Variants in NEDD4L observed in about 807,000 individuals in gnomAD.
NEDD4L encodes E3 ubiquitin-protein ligase NEDD4-like.
Under a neutral mutation model 148.9 loss-of-function variants are expected in NEDD4L, and 54 were observed. That is an observed-to-expected ratio of 0.36 (90% CI 0.29 to 0.45). The LOEUF (loss-of-function observed/expected upper bound fraction) is 0.45, where lower values mean the gene tolerates loss of function less well. Ranked by LOEUF, NEDD4L falls within the 20% of genes least tolerant of loss-of-function variation. The pLI is 1.00. For synonymous variants in NEDD4L, 433 were observed against 440.7 expected (o/e 0.98, Z 0.22); for missense variants, 856 against 1,233.8 (o/e 0.69, Z 4.59).
At chr18:58,361,386 A>G (rs568010480) in intron 19 of NEDD4L, among the ~76,000 whole-genome samples, 26 of 152,326 alleles carry the variant, frequency 1.7e-4, no homozygotes, top group African/African-American at 5.8e-4. Context: ...TTAGTAAGTG[A>G]TGTTCACACA....
chr18:58,336,313 C>G (rs532013342), intron 13 of NEDD4L, among the ~76,000 whole-genome samples: 1 of 152,182 alleles, frequency 6.6e-6, no homozygotes, highest in Non-Finnish European at 1.5e-5. Flanking sequence ...CACGGTGGCT[C>G]ACGCCTGTAA....
chr18:58,155,592 C>A (rs928999948), intron 1 of NEDD4L, among the ~76,000 whole-genome samples: 1 of 152,018 alleles, frequency 6.6e-6, no homozygotes, highest in African/African-American at 2.4e-5. Context: ...ACATTTGCAC[C>A]CTTTAAGGAA....
intron 30 of NEDD4L, among the ~76,000 whole-genome samples, chr18:58,395,623 G>T (rs1224215521): frequency 2.0e-5 from 3 of 152,112 alleles, no homozygotes; most frequent in African/African-American, 2.4e-5. Context: ...GGACAGCCTG[G>T]GTTCTGTTTG....
intron 4 of NEDD4L, among the ~76,000 whole-genome samples, chr18:58,249,768 C>T (rs185851523): frequency 3.3e-5 from 5 of 152,336 alleles, no homozygotes; most frequent in East Asian, 1.9e-4. Flanking sequence ...TCCTCTCAAT[C>T]GCAATAGTAT....
At chr18:58,353,672 C>T (rs1350461979) in intron 18 of NEDD4L, among the ~76,000 whole-genome samples, 1 of 152,240 alleles carries the variant, frequency 6.6e-6, no homozygotes, top group East Asian at 1.9e-4. Flanking sequence ...CAGGCTGACA[C>T]ATACATTCCA....
chr18:58,195,767 A>G (rs1274903834), intron 2 of NEDD4L: 1 of 1,259,534 alleles, frequency 7.9e-7, no homozygotes, highest in Non-Finnish European at 1.1e-6. Context: ...TCCCTTTATT[A>G]CTCGATTAGT....
chr18:58,265,204 C>T (rs2050050433), intron 5 of NEDD4L, among the ~76,000 whole-genome samples: 1 of 151,954 alleles, frequency 6.6e-6, no homozygotes, highest in Non-Finnish European at 1.5e-5. Context: ...GATGTGCCTC[C>T]CAGGGATGTG....
intron 18 of NEDD4L, among the ~76,000 whole-genome samples, chr18:58,354,155 G>T (rs1049859738): frequency 2.0e-5 from 3 of 152,114 alleles, no homozygotes; most frequent in African/African-American, 4.8e-5. Flanking sequence ...GTTAAAGGAA[G>T]GTCTTAAACT....
intron 2 of NEDD4L, among the ~76,000 whole-genome samples, chr18:58,191,024 T>A (rs532188828): frequency 7.5e-4 from 114 of 152,210 alleles, no homozygotes; most frequent in African/African-American, 2.6e-3. Flanking sequence ...GGTGGGAGGA[T>A]TGCTTGAGCC....
chr18:58,128,234 A>G (rs2031484345), intron 1 of NEDD4L, among the ~76,000 whole-genome samples: 1 of 152,038 alleles, frequency 6.6e-6, no homozygotes, highest in Admixed American at 6.5e-5. Context: ...TTTAGTAGAG[A>G]TGGGGTTTCA....
rs1054409466 is a variant in NEDD4L, at chr18:58,131,837, C to G, written c.49-33951C>G. On this transcript the variant is annotated intron_variant, in intron 1 of 30. Coordinates refer to ENST00000400345, the MANE Select transcript of NEDD4L (RefSeq NM_001144967.3). ...TGTGCAGATGCTTCTTGGAATCTTG[C>G]GTTGCTGTATGCCTGTATACCTGGA... 1.3e-5 allele frequency among the ~76,000 whole-genome samples: 2 copies of G among 152,178 alleles called. 1 individual carries two copies. The highest frequency in any genetic ancestry group is 4.2e-4 in the South Asian group (2 of 4,810).
At chr18:58,268,088 G>A (rs1301198439) in intron 5 of NEDD4L, among the ~76,000 whole-genome samples, 10 of 151,966 alleles carry the variant, frequency 6.6e-5, no homozygotes, top group African/African-American at 1.7e-4. Flanking sequence ...CTTTATTAAC[G>A]TGCATGCAGA....
chr18:58,264,221 C>G (rs372497806), intron 5 of NEDD4L, among the ~76,000 whole-genome samples: 1 of 152,050 alleles, frequency 6.6e-6, no homozygotes, highest in African/African-American at 2.4e-5. Context: ...CACATTAGCA[C>G]GCATTATTAG....
At position 58,049,440 on chromosome 18, in the gene NEDD4L, T is replaced by C. The variant is rs148714539; in HGVS notation, c.48+4732T>C. Reference sequence around the variant, plus strand: ...GTGAGGACAAGATTGCTTTCAAAAATTGTGGTTTAGATTTTGCTTGGATCT... The same window carrying C: ...GTGAGGACAAGATTGCTTTCAAAAACTGTGGTTTAGATTTTGCTTGGATCT... On this transcript the variant is annotated intron_variant, in intron 1 of 30. Coordinates refer to ENST00000400345, the MANE Select transcript of NEDD4L (RefSeq NM_001144967.3). Among the ~76,000 whole-genome samples, 31 of 152,278 alleles carry C rather than the reference T, an allele frequency of 2.0e-4. No individual in the cohort carries two copies. The East Asian group carries it at 4.4e-3, about 22-fold the overall frequency.
At chr18:58,194,415 A>T (rs1213501162) in intron 2 of NEDD4L, among the ~76,000 whole-genome samples, 1 of 152,210 alleles carries the variant, frequency 6.6e-6, no homozygotes, top group East Asian at 1.9e-4. Context: ...GTAAATTCCC[A>T]TTGTAAGAAA....
chr18:58,167,637 T>C (rs981039914), intron 2 of NEDD4L, among the ~76,000 whole-genome samples: 1 of 152,198 alleles, frequency 6.6e-6, no homozygotes, highest in Admixed American at 6.5e-5. Flanking sequence ...TTGCCTCGAT[T>C]GCTAGATTAG....
chr18:58,331,048 C>G, intron 11 of NEDD4L, 134 bp downstream of exon 11: 1 of 822,750 alleles, frequency 1.2e-6, no homozygotes, highest in Non-Finnish European at 1.9e-6. Context: ...TTCCAAAGTT[C>G]CTCCTTCCCT....
At chr18:58,105,984 C>G (rs1274319286) in intron 1 of NEDD4L, among the ~76,000 whole-genome samples, 1 of 152,190 alleles carries the variant, frequency 6.6e-6, no homozygotes, top group Admixed American at 6.5e-5. Context: ...CTTAGGTTAC[C>G]CAGCAGCTAA....
At chr18:58,301,181 T>A (rs984322635) in intron 5 of NEDD4L, among the ~76,000 whole-genome samples, 2 of 152,162 alleles carry the variant, frequency 1.3e-5, no homozygotes, top group African/African-American at 2.4e-5. Context: ...GAATGACAAC[T>A]TATAGAGCTC....
Sources: gnomAD v4.1 joint callset for allele counts (sites outside exome capture counted in the v4.1 genomes callset) on GRCh38, gnomAD v4.1.1 for gene constraint, MANE v1.5 for transcripts, NCBI Gene and HGNC (gene_info 2026-07-23, HGNC 2026-07-21) for gene names.